CDH12: variants seen among roughly 807,000 people sequenced by gnomAD.
CDH12 encodes cadherin 12.
Under a neutral mutation model 74.1 loss-of-function variants are expected in CDH12, and 41 were observed. That is an observed-to-expected ratio of 0.55 (90% CI 0.43 to 0.72). The LOEUF is 0.72. Ranked by LOEUF, CDH12 falls within the 30% of genes least tolerant of loss-of-function variation. CDH12 has a pLI of 0.00. For synonymous variants in CDH12, 399 were observed against 355.0 expected (o/e 1.12, Z -1.39); for missense variants, 945 against 977.2 (o/e 0.97, Z 0.44).
At chr5:22,074,253 T>C (rs1742150244) in intron 5 of CDH12, among the ~76,000 whole-genome samples, 1 of 152,154 alleles carries the variant, frequency 6.6e-6, no homozygotes, top group Non-Finnish European at 1.5e-5. Context: ...GAAAACTGGC[T>C]AGCCACATGT....
At chr5:22,245,187 C>T (rs779461815) in intron 3 of CDH12, among the ~76,000 whole-genome samples, 2 of 152,062 alleles carry the variant, frequency 1.3e-5, no homozygotes, top group Non-Finnish European at 1.5e-5. Context: ...TTTGAAAAGA[C>T]GAAGGGGGAT....
intron 8 of CDH12, among the ~76,000 whole-genome samples, chr5:21,818,786 T>G (rs1748205280): frequency 6.6e-6 from 1 of 151,862 alleles, no homozygotes; most frequent in Admixed American, 6.6e-5. Flanking sequence ...AAAATGCACT[T>G]AAAAGTTTAA....
At chr5:21,879,307 T>C (rs1413725981) in intron 6 of CDH12, among the ~76,000 whole-genome samples, 3 of 147,596 alleles carry the variant, frequency 2.0e-5, no homozygotes, top group African/African-American at 8.1e-5. Flanking sequence ...TTTGAACTTT[T>C]TAAGCAGCAC....
intron 1 of CDH12, among the ~76,000 whole-genome samples, chr5:22,595,941 TA>T (rs149480148): frequency 2.3e-3 from 348 of 148,626 alleles, no homozygotes; most frequent in African/African-American, 6.0e-3. Flanking sequence ...TAAAAATAAA[TA>T]AAAAAAATTA....
chr5:22,577,019 C>T (rs546362492), intron 1 of CDH12, among the ~76,000 whole-genome samples: 1 of 152,186 alleles, frequency 6.6e-6, no homozygotes, highest in African/African-American at 2.4e-5. Context: ...AAGGAGATTG[C>T]AAGACAGAGA....
intron 1 of CDH12, among the ~76,000 whole-genome samples, chr5:22,508,516 CCAATCCTAAAGAG>C (rs1216814746): frequency 6.6e-6 from 1 of 152,082 alleles, no homozygotes; most frequent in Non-Finnish European, 1.5e-5. Context: ...CCAGGCCTTC[CCAATCCTAAAGAG>C]GTTAACTAAA....
intron 4 of CDH12, chr5:22,141,178 A>T (rs1746769368): frequency 6.6e-6 from 1 of 152,266 alleles, no homozygotes; most frequent in Admixed American, 6.5e-5. Context: ...AGCTTCTACT[A>T]TGGTGAATTG....
intron 1 of CDH12, among the ~76,000 whole-genome samples, chr5:22,815,477 T>C (rs993432207): frequency 6.6e-6 from 1 of 151,786 alleles, no homozygotes; most frequent in East Asian, 1.9e-4. Flanking sequence ...TCTATAGAAA[T>C]AGAATACATG....
intron 10 of CDH12, among the ~76,000 whole-genome samples, chr5:21,795,208 G>A (rs1746712797): frequency 1.1e-5 from 1 of 90,784 alleles, no homozygotes; most frequent in Admixed American, 1.1e-4. Flanking sequence ...AAAAATAAAT[G>A]TGATTTTTTT....
intron 1 of CDH12, among the ~76,000 whole-genome samples, chr5:22,839,537 A>T (rs1736992743): frequency 6.6e-6 from 1 of 151,860 alleles, no homozygotes; most frequent in Non-Finnish European, 1.5e-5. Flanking sequence ...TTACATTTTT[A>T]GTAGAGACAG....
intron 1 of CDH12, among the ~76,000 whole-genome samples, chr5:22,669,125 A>C (rs1740776265): frequency 6.6e-6 from 1 of 152,136 alleles, no homozygotes. Context: ...TTTTTCATCA[A>C]AAATCCATTC....
At chr5:22,118,875 G>A (rs930311668) in intron 4 of CDH12, among the ~76,000 whole-genome samples, 1 of 152,062 alleles carries the variant, frequency 6.6e-6, no homozygotes, top group Non-Finnish European at 1.5e-5. Context: ...TAAAAACAAG[G>A]AGTATAGTTG....
chr5:22,757,493 G>C (rs1334702468), intron 1 of CDH12, among the ~76,000 whole-genome samples: 1 of 151,874 alleles, frequency 6.6e-6, no homozygotes, highest in Non-Finnish European at 1.5e-5. Context: ...ATGGTATATG[G>C]GATTATCAGC....
intron 3 of CDH12, among the ~76,000 whole-genome samples, chr5:22,312,673 A>G (rs1738444539): frequency 6.6e-6 from 1 of 152,218 alleles, no homozygotes; most frequent in Non-Finnish European, 1.5e-5. Flanking sequence ...TTTGTAAATC[A>G]GTAGCTTTCT....
At chr5:22,028,484 C>A (rs1738550632) in intron 5 of CDH12, among the ~76,000 whole-genome samples, 1 of 152,050 alleles carries the variant, frequency 6.6e-6, no homozygotes, top group African/African-American at 2.4e-5. Context: ...AACAGAGAGC[C>A]AAATCGTGAG....
chr5:21,948,062 T>C (rs1195896274), intron 6 of CDH12, among the ~76,000 whole-genome samples: 1 of 152,174 alleles, frequency 6.6e-6, no homozygotes, highest in African/African-American at 2.4e-5. Flanking sequence ...TCACAGGTTG[T>C]ATGGAAATGC....
At chr5:22,591,972 G>A (rs933230702) in intron 1 of CDH12, among the ~76,000 whole-genome samples, 5 of 102,024 alleles carry the variant, frequency 4.9e-5, no homozygotes, top group African/African-American at 2.0e-4. Context: ...TGACCACCAT[G>A]TGAACCCTAA....
chr5:22,077,102 T>C (rs1742384667), intron 5 of CDH12, among the ~76,000 whole-genome samples: 1 of 151,712 alleles, frequency 6.6e-6, no homozygotes, highest in Non-Finnish European at 1.5e-5. Flanking sequence ...GTAAGATCAC[T>C]GAGACTGGAT....
intron 1 of CDH12, among the ~76,000 whole-genome samples, chr5:22,541,485 G>A (rs968575146): frequency 1.3e-5 from 2 of 152,114 alleles, no homozygotes; most frequent in African/African-American, 4.8e-5. Flanking sequence ...GAAAAGATTT[G>A]TCCCACAATT....
Sources: gnomAD v4.1 joint callset for allele counts (sites outside exome capture counted in the v4.1 genomes callset) on GRCh38, gnomAD v4.1.1 for gene constraint, MANE v1.5 for transcripts, NCBI Gene and HGNC (gene_info 2026-07-23, HGNC 2026-07-21) for gene names.